MIPOL1: variants seen among roughly 807,000 people sequenced by gnomAD.
The protein encoded by MIPOL1 is mirror-image polydactyly 1.
Under a neutral mutation model 60.9 loss-of-function variants are expected in MIPOL1, and 57 were observed. That is an observed-to-expected ratio of 0.94 (90% confidence interval 0.76 to 1.17). MIPOL1 has a LOEUF of 1.17. Among genes scored for constraint, MIPOL1 ranks in the 50% most tolerant of loss-of-function variants. MIPOL1 has a pLI of 0.00. For synonymous variants in MIPOL1, 179 were observed against 168.8 expected (o/e 1.06, Z -0.47); for missense variants, 551 against 511.6 (o/e 1.08, Z -0.74).
chr14:37,369,409 A>AC (rs2092575534), intron 9 of MIPOL1, 108 bp from the exon 10 acceptor site: 1 of 634,054 alleles, frequency 1.6e-6, no homozygotes, highest in Non-Finnish European at 2.6e-6. Context: ...CAAAAAAAAA[A>AC]CCTTGTCTTT....
intron 7 of MIPOL1, among the ~76,000 whole-genome samples, chr14:37,298,347 C>T (rs184239438): frequency 2.0e-5 from 3 of 152,190 alleles, no homozygotes; most frequent in Admixed American, 6.5e-5. Flanking sequence ...CCATAAAAAC[C>T]CTACAAGAAA....
chr14:37,411,403 T>C (rs1324188042), intron 10 of MIPOL1, among the ~76,000 whole-genome samples: 2 of 152,166 alleles, frequency 1.3e-5, no homozygotes, highest in East Asian at 3.9e-4. Flanking sequence ...TTTCTTTCAT[T>C]GTCCCTAGAA....
At chr14:37,499,619 C>T (rs908912776) in intron 11 of MIPOL1, among the ~76,000 whole-genome samples, 3 of 152,074 alleles carry the variant, frequency 2.0e-5, no homozygotes, top group Non-Finnish European at 4.4e-5. Flanking sequence ...TCTGCTATTC[C>T]TTTTAAAGAA....
At chr14:37,453,296 A>C (rs2094442677) in intron 11 of MIPOL1, among the ~76,000 whole-genome samples, 1 of 152,168 alleles carries the variant, frequency 6.6e-6, no homozygotes, top group Admixed American at 6.5e-5. Flanking sequence ...TGGTTTTAAA[A>C]GTGAAACAGG....
intron 12 of MIPOL1, among the ~76,000 whole-genome samples, chr14:37,515,122 T>A (rs1289772093): frequency 1.3e-5 from 2 of 152,202 alleles, no homozygotes; most frequent in Non-Finnish European, 2.9e-5. Flanking sequence ...ATCATAAACA[T>A]TGTCCATAGA....
chr14:37,284,618 C>T (rs2084398686), intron 6 of MIPOL1, among the ~76,000 whole-genome samples: 1 of 152,212 alleles, frequency 6.6e-6, no homozygotes, highest in Non-Finnish European at 1.5e-5. Context: ...GCTGGGATTA[C>T]AGGCGTGAGC....
At chr14:37,290,265 G>A (rs979299167) in intron 7 of MIPOL1, among the ~76,000 whole-genome samples, 2 of 152,002 alleles carry the variant, frequency 1.3e-5, no homozygotes, top group Non-Finnish European at 2.9e-5. Flanking sequence ...TGGCTCTGTC[G>A]CCCAAGCTGG....
rs888337174 is a variant in MIPOL1 at position 37,452,662 on chromosome 14, A to G, written c.1031+29713A>G. Reference sequence around the variant, plus strand: ...GTTGTTATCTTTATTGTCAGAAAGAATATTGTGAAAATAAGGAATTACTGC... The same window carrying G: ...GTTGTTATCTTTATTGTCAGAAAGAGTATTGTGAAAATAAGGAATTACTGC... On this transcript the variant is annotated intron_variant, in intron 11 of 12. Coordinates refer to ENST00000684589, the MANE Select transcript of MIPOL1 (RefSeq NM_001388067.1). Among the ~76,000 whole-genome samples the G allele has an allele frequency of 2.6e-5, 4 of 152,240 alleles. 1 individual carries two copies. Among genetic ancestry groups the G allele is most frequent in the African/African-American group, 9.6e-5 (4 of 41,462 alleles).
intron 1 of MIPOL1, among the ~76,000 whole-genome samples, chr14:37,215,996 G>A (rs1274138748): frequency 6.7e-6 from 1 of 150,124 alleles, no homozygotes; most frequent in Non-Finnish European, 1.5e-5. Context: ...CTGGCAGGCA[G>A]AGGTTTCAGT....
Position 37,392,056 on chromosome 14 carries a change from G to GT in MIPOL1, c.936+22440dup, listed in dbSNP as rs199697105. On this transcript the variant is annotated intron_variant, in intron 10 of 12. Transcript: ENST00000684589. ...TAAATGTTCCAATTACTCCAATTTT[G>GT]TTTTTTTTCAGAATTGTTTTAGCTA... Among the ~76,000 whole-genome samples, 522 of 151,510 alleles carry GT rather than the reference G, an allele frequency of 3.4e-3. 11 individuals carry two copies. Among genetic ancestry groups the GT allele is most frequent in the Admixed American group, 0.024 (369 of 15,214 alleles).
intron 11 of MIPOL1, among the ~76,000 whole-genome samples, chr14:37,444,819 A>G (rs1233297304): frequency 3.9e-5 from 6 of 152,226 alleles, no homozygotes; most frequent in African/African-American, 1.4e-4. Context: ...AACCAAAGAC[A>G]AAAACCACAT....
chr14:37,295,942 C>T (rs1259620520), intron 7 of MIPOL1, among the ~76,000 whole-genome samples: 1 of 152,118 alleles, frequency 6.6e-6, no homozygotes, highest in African/African-American at 2.4e-5. Flanking sequence ...CTCAGCTCTG[C>T]ACCAAGCAGA....
rs1033179981 is a variant in MIPOL1, at chr14:37,248,008, A to G, written c.19+101A>G. 18 of 1,185,312 alleles carry G rather than the reference A, an allele frequency of 1.5e-5. No individual in the cohort carries two copies. In the Admixed American group the frequency reaches 1.9e-4, roughly 13 times the overall value. The allele number at this position is 1,185,312 out of a possible 1,614,324, so 73.4% of individuals were successfully genotyped here. A position where few individuals can be genotyped will look rare whatever the true frequency, so the allele number is the denominator to read the frequency against. On this transcript the variant is annotated intron_variant, in intron 3 of 12. Transcript: ENST00000684589. ...TCTAACCAATATATTAGACAGAGGT[A>G]GACAAGTGCGCACACACACACACAA...
intron 7 of MIPOL1, among the ~76,000 whole-genome samples, chr14:37,290,701 C>CT (rs1290698165): frequency 1.3e-5 from 2 of 151,994 alleles, no homozygotes; most frequent in Middle Eastern, 3.2e-3. Context: ...GAAATTTTAC[C>CT]TTTTTTAAAA....
chr14:37,424,142 A>G (rs1338580446), intron 11 of MIPOL1, among the ~76,000 whole-genome samples: 1 of 152,188 alleles, frequency 6.6e-6, no homozygotes, highest in Non-Finnish European at 1.5e-5. Flanking sequence ...GCTTTGGAGC[A>G]ATATTACTAA....
chr14:37,318,377 A>G lies in MIPOL1; in HGVS notation c.828+9858A>G, dbSNP rs543604437. Among the ~76,000 whole-genome samples, 6 of 152,342 alleles carry G rather than the reference A, an allele frequency of 3.9e-5. No homozygotes were observed. In the East Asian group the frequency reaches 1.2e-3, roughly 29 times the overall value. On this transcript the variant is annotated intron_variant, in intron 9 of 12. Transcript: ENST00000684589. ...GAAAGGAAAATAAAGCATAACATTT[A>G]GAGTTATGTTTTTCAGGAAAAGTAG...
chr14:37,473,933 TC>T (rs1223257530), intron 11 of MIPOL1, among the ~76,000 whole-genome samples: 2 of 152,174 alleles, frequency 1.3e-5, no homozygotes, highest in African/African-American at 4.8e-5. Context: ...TTGTCTCCCT[TC>T]CTCTGAATCC....
intron 11 of MIPOL1, among the ~76,000 whole-genome samples, chr14:37,477,711 A>C (rs1488365399): frequency 6.6e-6 from 1 of 152,198 alleles, no homozygotes; most frequent in African/African-American, 2.4e-5. Flanking sequence ...CATCCTCAAG[A>C]GAAAAAGACC....
At chr14:37,458,767 C>T (rs939750772) in intron 11 of MIPOL1, among the ~76,000 whole-genome samples, 1 of 152,042 alleles carries the variant, frequency 6.6e-6, no homozygotes, top group Non-Finnish European at 1.5e-5. Flanking sequence ...AGGAGAATCA[C>T]TTGAACCCTG....
Sources: gnomAD v4.1 joint callset for allele counts (sites outside exome capture counted in the v4.1 genomes callset) on GRCh38, gnomAD v4.1.1 for gene constraint, MANE v1.5 for transcripts, NCBI Gene and HGNC (gene_info 2026-07-23, HGNC 2026-07-21) for gene names.